The following KCNQ5 variants were observed in gnomAD, a reference collection of about 807,000 sequenced individuals.
KCNQ5 encodes potassium voltage-gated channel subfamily KQT member 5.
In KCNQ5, 30 loss-of-function variants were observed where a neutral mutation model predicts 98.2. The ratio of observed to expected loss-of-function variants is 0.31; its 90% CI spans 0.23 to 0.41. The LOEUF is 0.41. Ranked by LOEUF, KCNQ5 falls within the 10% of genes least tolerant of loss-of-function variation. The pLI, the probability that KCNQ5 is intolerant of heterozygous loss-of-function variation, is 1.00. For missense variants in KCNQ5, 835 were observed against 1,182.5 expected (o/e 0.71, Z 4.31); for synonymous variants, 458 against 449.4 (o/e 1.02, Z -0.24).
rs368343819 is a variant in KCNQ5 at position 73,065,854 on chromosome 6, A to T, written c.617-11468A>T. On this transcript the variant is annotated intron_variant, in intron 3 of 13. Coordinates refer to ENST00000370398, the MANE Select transcript of KCNQ5 (RefSeq NM_019842.4). ...TGCTTTCCCATTGAGACAACCGAAA[A>T]TACTAAAAACGGCCGGGCTCAGTGG... Among the ~76,000 whole-genome samples the T allele has an allele frequency of 1.2e-3, 180 of 152,322 alleles. 1 individual carries two copies. The Middle Eastern group carries it at 0.024, about 20-fold the overall frequency.
At chr6:73,074,192 A>G (rs918471985) in intron 3 of KCNQ5, among the ~76,000 whole-genome samples, 2 of 152,216 alleles carry the variant, frequency 1.3e-5, no homozygotes, top group African/African-American at 4.8e-5. Flanking sequence ...TGGAACCACC[A>G]TTCTATGAAA....
chr6:73,045,035 G>A (rs1582248839), intron 3 of KCNQ5, among the ~76,000 whole-genome samples: 1 of 152,122 alleles, frequency 6.6e-6, no homozygotes, highest in Non-Finnish European at 1.5e-5. Context: ...TGCTAGAGTG[G>A]TCAGCTAACA....
intron 1 of KCNQ5, among the ~76,000 whole-genome samples, chr6:72,664,998 T>G (rs1374575839): frequency 6.6e-6 from 1 of 152,200 alleles, no homozygotes; most frequent in Non-Finnish European, 1.5e-5. Context: ...AGTTTACAAG[T>G]ACAAATATAT....
intron 1 of KCNQ5, among the ~76,000 whole-genome samples, chr6:72,910,909 A>G (rs1303618329): frequency 6.6e-6 from 1 of 152,132 alleles, no homozygotes; most frequent in Non-Finnish European, 1.5e-5. Flanking sequence ...TGGAAGATAC[A>G]TGTTGTTTTA....
intron 1 of KCNQ5, among the ~76,000 whole-genome samples, chr6:72,931,642 G>C (rs1326312600): frequency 6.6e-6 from 1 of 152,174 alleles, no homozygotes; most frequent in Non-Finnish European, 1.5e-5. Flanking sequence ...CAGACCAAAA[G>C]GCGAGGAACT....
At chr6:73,111,451 C>A in intron 7 of KCNQ5, 48 bp downstream of exon 7, 1 of 1,182,246 alleles carries the variant, frequency 8.5e-7, no homozygotes, top group Non-Finnish European at 1.2e-6. Flanking sequence ...GTCCATAGTG[C>A]TTGATGGGTC....
intron 1 of KCNQ5, among the ~76,000 whole-genome samples, chr6:72,837,276 C>T (rs1489119173): frequency 6.6e-6 from 1 of 152,178 alleles, no homozygotes; most frequent in Admixed American, 6.5e-5. Context: ...ACATACTTTA[C>T]TGGCTGTATC....
chr6:72,987,511 C>T, intron 1 of KCNQ5: 1 of 660,776 alleles, frequency 1.5e-6, no homozygotes, highest in Non-Finnish European at 2.9e-6. Context: ...AACCTGTCCC[C>T]TTCGTTCAGC....
intron 10 of KCNQ5, among the ~76,000 whole-genome samples, chr6:73,165,060 C>T (rs904904699): frequency 7.9e-5 from 12 of 151,918 alleles, no homozygotes; most frequent in Admixed American, 2.6e-4. Flanking sequence ...CTAACTGTAC[C>T]GTTGAACTCC....
chr6:72,870,973 T>C (rs1487456105), intron 1 of KCNQ5, among the ~76,000 whole-genome samples: 1 of 152,206 alleles, frequency 6.6e-6, no homozygotes, highest in Non-Finnish European at 1.5e-5. Flanking sequence ...CATTTGGGAC[T>C]AAAATCTTGA....
chr6:72,694,143 C>A (rs1768360024), intron 1 of KCNQ5, among the ~76,000 whole-genome samples: 1 of 152,110 alleles, frequency 6.6e-6, no homozygotes, highest in Non-Finnish European at 1.5e-5. Context: ...ATTTTTTGAT[C>A]ATGTAAAATA....
At chr6:73,057,836 T>C (rs1772593150) in intron 3 of KCNQ5, among the ~76,000 whole-genome samples, 1 of 152,186 alleles carries the variant, frequency 6.6e-6, no homozygotes, top group African/African-American at 2.4e-5. Flanking sequence ...TATCACATTG[T>C]GTGACTTCAA....
rs535447338 is a variant in KCNQ5, at chr6:72,922,814, T to C, written c.399-81094T>C. ...TCTTTCTTTCTTTTTCTTTTTCTTT[T>C]TTTTTTTTTTTTTTTGAGATGGAAT... is the stretch of plus-strand genomic sequence containing the variant. On this transcript the variant is annotated intron_variant, in intron 1 of 13. Coordinates refer to ENST00000370398, the MANE Select transcript of KCNQ5 (RefSeq NM_019842.4). Among the ~76,000 whole-genome samples the C allele has an allele frequency of 6.0e-5, 8 of 133,530 alleles. No individual in the cohort carries two copies. The South Asian group carries it at 2.0e-3, about 34-fold the overall frequency. The allele number at this position is 133,530 out of a possible 152,430, so 87.6% of individuals were successfully genotyped here.
At chr6:73,166,541 A>AG (rs386407548) in intron 10 of KCNQ5, among the ~76,000 whole-genome samples, 1 of 15,992 alleles carries the variant, frequency 6.3e-5, no homozygotes, top group African/African-American at 1.3e-3. Flanking sequence ...TATTACTATC[A>AG]TCATCATTAT....
At chr6:73,048,922 G>A (rs1450286563) in intron 3 of KCNQ5, among the ~76,000 whole-genome samples, 3 of 152,154 alleles carry the variant, frequency 2.0e-5, no homozygotes, top group Non-Finnish European at 4.4e-5. Flanking sequence ...TGATTGCAGT[G>A]CAGAATTATT....
intron 1 of KCNQ5, among the ~76,000 whole-genome samples, chr6:72,742,747 G>T (rs929977777): frequency 6.6e-6 from 1 of 152,188 alleles, no homozygotes; most frequent in African/African-American, 2.4e-5. Context: ...GAAACAAGCA[G>T]CAGTGATATT....
chr6:73,076,624 A>G (rs907695602), intron 3 of KCNQ5, among the ~76,000 whole-genome samples: 6 of 152,166 alleles, frequency 3.9e-5, no homozygotes, highest in Non-Finnish European at 8.8e-5. Flanking sequence ...CAGTGTTTAT[A>G]CTTACATACC....
chr6:72,854,754 T>G (rs1401683725), intron 1 of KCNQ5, among the ~76,000 whole-genome samples: 10 of 80,778 alleles, frequency 1.2e-4, no homozygotes, highest in South Asian at 6.3e-4. Context: ...ACACACACCA[T>G]GGTTTGTGTG....
chr6:72,920,892 G>A (rs1346676737), intron 1 of KCNQ5, among the ~76,000 whole-genome samples: 4 of 152,006 alleles, frequency 2.6e-5, no homozygotes, highest in African/African-American at 7.2e-5. Context: ...GTACATTTGA[G>A]TTGCGTTCAA....
Sources: gnomAD v4.1 joint callset for allele counts (sites outside exome capture counted in the v4.1 genomes callset) on GRCh38, gnomAD v4.1.1 for gene constraint, MANE v1.5 for transcripts, NCBI Gene and HGNC (gene_info 2026-07-23, HGNC 2026-07-21) for gene names.